NUTF2: variants seen among roughly 807,000 people sequenced by gnomAD.
The protein encoded by NUTF2 is nuclear transport factor 2, also known as placental protein 15.
NUTF2 carries 3 observed loss-of-function variants against 18.5 expected under a neutral mutation model. That is an observed-to-expected ratio of 0.16 (90% CI 0.07 to 0.42). The LOEUF (loss-of-function observed/expected upper bound fraction) is 0.42, where lower values mean the gene tolerates loss of function less well. Among genes scored for constraint, NUTF2 ranks in the 10% least tolerant of loss-of-function variants. The pLI, the probability that NUTF2 is intolerant of heterozygous loss-of-function variation, is 0.99. For synonymous variants in NUTF2, 51 were observed against 57.9 expected (o/e 0.88, Z 0.54); for missense variants, 44 against 160.7 (o/e 0.27, Z 3.93).
chr16:67,865,272 A>C (rs1419983624), intron 2 of NUTF2, 43 bp downstream of exon 2: 1 of 1,388,834 alleles, frequency 7.2e-7, no homozygotes. Context: ...CTAGGGGATC[A>C]ATTTGGATGT....
At chr16:67,869,670 A>G (rs1204257211) in intron 4 of NUTF2, among the ~76,000 whole-genome samples, 1 of 152,006 alleles carries the variant, frequency 6.6e-6, no homozygotes, top group African/African-American at 2.4e-5. Flanking sequence ...CTGTAATCCC[A>G]TCTACACGGG....
intron 1 of NUTF2, chr16:67,847,898 C>T (rs781040921): frequency 6.6e-6 from 1 of 152,162 alleles, no homozygotes; most frequent in Non-Finnish European, 1.5e-5. Context: ...AGAACCTGGG[C>T]TGGAAGGGGC....
At chr16:67,850,365 C>T (rs150781363) in intron 1 of NUTF2, among the ~76,000 whole-genome samples, 2,832 of 151,994 alleles carry the variant, frequency 0.019, 39 homozygotes, top group Non-Finnish European at 0.03. Context: ...CCACCACGCC[C>T]GGCTAATTTT....
chr16:67,862,647 C>T (rs1237786285), intron 1 of NUTF2, among the ~76,000 whole-genome samples: 1 of 152,146 alleles, frequency 6.6e-6, no homozygotes, highest in Non-Finnish European at 1.5e-5. Flanking sequence ...CCAGCCTGAG[C>T]AATATGGTGA....
At chr16:67,869,620 T>G (rs1287469987) in intron 4 of NUTF2, among the ~76,000 whole-genome samples, 1 of 151,772 alleles carries the variant, frequency 6.6e-6, no homozygotes, top group Non-Finnish European at 1.5e-5. Flanking sequence ...ACCCTGTCTC[T>G]ACTAAAAATA....
intron 1 of NUTF2, among the ~76,000 whole-genome samples, chr16:67,860,402 G>A (rs2057927585): frequency 6.6e-6 from 1 of 152,200 alleles, no homozygotes; most frequent in South Asian, 2.1e-4. Flanking sequence ...AGCCTCCTGA[G>A]TAGCTGAGAC....
At chr16:67,857,917 G>A (rs2057908320) in intron 1 of NUTF2, among the ~76,000 whole-genome samples, 1 of 152,222 alleles carries the variant, frequency 6.6e-6, no homozygotes, top group Non-Finnish European at 1.5e-5. Flanking sequence ...AGTGGAGTTT[G>A]CCCAGAACTT....
chr16:67,866,505 G>A (rs1414891877), intron 2 of NUTF2, among the ~76,000 whole-genome samples: 3 of 150,896 alleles, frequency 2.0e-5, no homozygotes, highest in Non-Finnish European at 3.0e-5. Context: ...TCACTCTGTC[G>A]CCCAGGCTGG....
rs1394419517 is a variant in NUTF2 at position 67,870,984 on chromosome 16, G to A, written c.*71G>A. 2 of 1,155,324 alleles carry A rather than the reference G, an allele frequency of 1.7e-6. No homozygotes were observed. The highest frequency in any genetic ancestry group is 2.6e-6 in the Non-Finnish European group (2 of 768,710). The allele number at this position is 1,155,324 out of a possible 1,614,324, so 71.6% of individuals were successfully genotyped here. On this transcript the variant is annotated 3_prime_UTR_variant, in exon 5 of 5. Coordinates refer to ENST00000219169, the MANE Select transcript of NUTF2 (RefSeq NM_005796.3). ...TCCCAATACTATTCCCACTCCTCCA[G>A]ATGCTCCAAATATCATGCACAAATG...
intron 4 of NUTF2, 54 bp downstream of exon 4, chr16:67,868,653 G>T (rs765784195): frequency 6.6e-7 from 1 of 1,505,306 alleles, no homozygotes; most frequent in Non-Finnish European, 9.2e-7. Flanking sequence ...GGAGAGTCTT[G>T]TACCCCTGCT....
At chr16:67,853,542 G>T (rs2057875218) in intron 1 of NUTF2, among the ~76,000 whole-genome samples, 1 of 151,996 alleles carries the variant, frequency 6.6e-6, no homozygotes, top group South Asian at 2.1e-4. Context: ...ATTTTTAGTA[G>T]AGACAGGGTT....
intron 1 of NUTF2, among the ~76,000 whole-genome samples, chr16:67,849,938 G>A (rs1372390641): frequency 4.6e-5 from 7 of 152,026 alleles, no homozygotes; most frequent in African/African-American, 9.7e-5. Flanking sequence ...GATTCCAGGC[G>A]TGAGCCACCA....
At chr16:67,861,061 A>C (rs2057932045) in intron 1 of NUTF2, among the ~76,000 whole-genome samples, 1 of 152,210 alleles carries the variant, frequency 6.6e-6, no homozygotes. Flanking sequence ...GAGTGCTCTC[A>C]CTGATGTAGT....
chr16:67,866,767 A>G (rs1307863860), intron 2 of NUTF2, among the ~76,000 whole-genome samples: 1 of 151,024 alleles, frequency 6.6e-6, no homozygotes, highest in African/African-American at 2.4e-5. Context: ...GCGCCCGGCT[A>G]CACCTAATTT....
chr16:67,855,656 TGGAAAGCTTGCTGCCCCA>T (rs1312135735), intron 1 of NUTF2, among the ~76,000 whole-genome samples: 3 of 152,162 alleles, frequency 2.0e-5, no homozygotes, highest in African/African-American at 7.2e-5. Flanking sequence ...GGGCAGAAAC[TGGAAAGCTTGCTGCCCCA>T]GGAAAGAGCT....
chr16:67,870,772 T>G, intron 4 of NUTF2, 28 bp from the exon 5 acceptor site: 4 of 1,560,110 alleles, frequency 2.6e-6, no homozygotes, highest in Non-Finnish European at 3.5e-6. Flanking sequence ...TTGATCCCCT[T>G]ACTGAATCCT....
At chr16:67,856,024 C>T in intron 1 of NUTF2, 1 of 936,712 alleles carries the variant, frequency 1.1e-6, no homozygotes, top group Non-Finnish European at 1.7e-6. Flanking sequence ...AGCGTACTGT[C>T]TTGCTCAGGG....
chr16:67,856,199 T>C (rs2057895616), intron 1 of NUTF2: 1 of 299,386 alleles, frequency 3.3e-6, no homozygotes. Context: ...TTTTTTTTGT[T>C]GTTGTTGTTT....
chr16:67,860,692 G>A (rs1205788993), intron 1 of NUTF2, among the ~76,000 whole-genome samples: 1 of 152,186 alleles, frequency 6.6e-6, no homozygotes, highest in African/African-American at 2.4e-5. Context: ...GGATAGCCAC[G>A]ACTGGTACCA....
Sources: allele counts gnomAD v4.1 joint callset (sites outside exome capture counted in the v4.1 genomes callset), GRCh38; gene constraint gnomAD v4.1.1; transcripts MANE v1.5; gene names NCBI Gene and HGNC (gene_info 2026-07-23, HGNC 2026-07-21).